Variants in MTRR observed in about 807,000 individuals in gnomAD.
MTRR encodes the protein methionine synthase reductase.
MTRR carries 63 observed loss-of-function variants against 79.2 expected under a neutral mutation model. The observed-to-expected ratio is 0.80, with a 90% CI of 0.65 to 0.98. The LOEUF is 0.98. Among genes scored for constraint, MTRR ranks in the 50% least tolerant of loss-of-function variants. The pLI is 0.00. For missense variants in MTRR, 895 were observed against 839.6 expected (o/e 1.07, Z -0.82); for synonymous variants, 355 against 313.3 (o/e 1.13, Z -1.41).
At chr5:7,872,178 T>G in intron 2 of MTRR, 1 of 440,934 alleles carries the variant, frequency 2.3e-6, no homozygotes, top group South Asian at 1.6e-5. Context: ...CATAGAGTCT[T>G]GGAAGCATTA....
rs755255468 is a variant in MTRR, at chr5:7,896,903, A to G, written c.1716A>G (p.Gly572=). The change falls in exon 13 of 15, where the codon GGA becomes GGG. Residue 572 remains glycine (G), a synonymous_variant. Coordinates refer to ENST00000440940, the MANE Select transcript of MTRR (RefSeq NM_002454.3). ...LQEQHPDGNF[G]AMWLFFGCRH... Reference sequence around the variant, plus strand: ...AACAACACCCAGATGGAAATTTTGGAGCAATGTGGTTGTTTTTTGGCTGCA... The same window carrying G: ...AACAACACCCAGATGGAAATTTTGGGGCAATGTGGTTGTTTTTTGGCTGCA... 6.2e-7 allele frequency: 1 copy of G among 1,613,974 alleles called. No homozygotes were observed.
rs1387591492 is a variant in MTRR, at chr5:7,892,779, T to A, written c.1423T>A (p.Phe475Ile). Residue 475 changes from phenylalanine (F) to isoleucine (I), a missense_variant, in exon 11 of 15, where the codon TTT becomes ATT. Phe to Ile is a conservative substitution (Grantham distance 21). Transcript: ENST00000440940. ...KLHFVFNIVE[F>I]LSTATTEVLR... ...CCATTTTGTCTTCAACATTGTGGAA[T>A]TTCTGTCTACTGCCACAACAGAGGT... 6.2e-7 allele frequency: 1 copy of A among 1,614,254 alleles called. No individual in the cohort carries two copies. Among genetic ancestry groups the A allele is most frequent in the Admixed American group, 1.7e-5 (1 of 60,030 alleles).
At chr5:7,855,385 A>G (rs1746210556) in intron 1 of MTRR, among the ~76,000 whole-genome samples, 1 of 151,214 alleles carries the variant, frequency 6.6e-6, no homozygotes, top group African/African-American at 2.4e-5. Context: ...ATAAAATAAT[A>G]TGATAGCTTG....
chr5:7,890,217 C>A (rs2126778498), intron 9 of MTRR: 1 of 977,284 alleles, frequency 1.0e-6, no homozygotes, highest in South Asian at 4.7e-5. Context: ...TTAAAGGCAC[C>A]CTTCTTTGCA....
chr5:7,885,172 C>T (rs1243854992), intron 6 of MTRR: 1 of 160,262 alleles, frequency 6.2e-6, no homozygotes, highest in African/African-American at 2.4e-5. Flanking sequence ...CATGTTTGCT[C>T]ACAACCAGTA....
At chr5:7,878,497 C>T (rs891270899) in intron 5 of MTRR, among the ~76,000 whole-genome samples, 175 bp downstream of exon 5, 1 of 152,240 alleles carries the variant, frequency 6.6e-6, no homozygotes, top group East Asian at 1.9e-4. Context: ...CATGCCTATT[C>T]ATTTAGGTAG....
intron 2 of MTRR, among the ~76,000 whole-genome samples, chr5:7,863,810 GAAAA>G (rs1221007623): frequency 6.6e-6 from 1 of 152,116 alleles, no homozygotes; most frequent in African/African-American, 2.4e-5. Flanking sequence ...TTGCGTGCTT[GAAAA>G]TGGCTGAGAG....
upstream of MTRR, chr5:7,866,538 C>T: frequency 1.2e-6 from 1 of 810,306 alleles, no homozygotes; most frequent in South Asian, 1.7e-5. Context: ...CTTCGGATCA[C>T]TATGGAAGAA....
At chr5:7,897,517 A>C (rs559498621) in intron 14 of MTRR, among the ~76,000 whole-genome samples, 3 of 152,218 alleles carry the variant, frequency 2.0e-5, no homozygotes, top group Non-Finnish European at 2.9e-5. Flanking sequence ...TCTGAAAATT[A>C]CACTCATGTT....
At chr5:7,883,423 T>G (rs1735897350) in intron 6 of MTRR, 146 bp downstream of exon 6, 2 of 973,956 alleles carry the variant, frequency 2.1e-6, no homozygotes, top group South Asian at 2.8e-5. Context: ...TGTGCTGAGT[T>G]GTGTGGTGCT....
chr5:7,867,269 T>C, upstream of MTRR: 1 of 1,613,856 alleles, frequency 6.2e-7, no homozygotes, highest in Non-Finnish European at 8.5e-7. Flanking sequence ...TGTTTGGTGT[T>C]CATCCACTTT....
intron 6 of MTRR, among the ~76,000 whole-genome samples, chr5:7,885,499 A>G (rs988054613): frequency 2.3e-4 from 35 of 152,248 alleles, no homozygotes; most frequent in Middle Eastern, 3.4e-3. Context: ...TTTTAATAGT[A>G]ACTGCTAATA....
At chr5:7,879,418 G>T (rs180684098) in intron 5 of MTRR, among the ~76,000 whole-genome samples, 1,492 of 137,780 alleles carry the variant, frequency 0.011, 15 homozygotes, top group Middle Eastern at 0.023. Flanking sequence ...AGCCAAGATT[G>T]CGCCACTGCA....
At chr5:7,859,488 A>G (rs1364025492) in intron 1 of MTRR, 2 of 1,607,252 alleles carry the variant, frequency 1.2e-6, no homozygotes, top group Non-Finnish European at 1.7e-6. Flanking sequence ...CTTTGTAAAT[A>G]TTCCACCAAT....
At chr5:7,868,060 C>T, upstream of MTRR, 2 of 1,611,038 alleles carry the variant, frequency 1.2e-6, no homozygotes, top group Non-Finnish European at 1.7e-6. Context: ...GATAAAGGTT[C>T]TTCCTCAAGG....
intron 2 of MTRR, among the ~76,000 whole-genome samples, chr5:7,863,749 T>C (rs1175706440): frequency 2.0e-5 from 3 of 152,200 alleles, no homozygotes; most frequent in Admixed American, 6.5e-5. Context: ...CCATGACAGA[T>C]GCTAATAAAT....
upstream of MTRR, chr5:7,869,083 T>C (rs1486929078): frequency 6.3e-7 from 1 of 1,598,622 alleles, no homozygotes; most frequent in Admixed American, 1.7e-5. Context: ...CGGCGCAATG[T>C]GATTGGCCCA....
At chr5:7,894,649 T>G (rs1436887556) in intron 11 of MTRR, among the ~76,000 whole-genome samples, 2 of 152,250 alleles carry the variant, frequency 1.3e-5, no homozygotes, top group African/African-American at 4.8e-5. Flanking sequence ...TTCTTTGACA[T>G]TGGTGTTTGA....
chr5:7,870,837 G>A lies in MTRR; in HGVS notation c.43G>A (p.Ala15Thr), dbSNP rs777323334. ...LLLYATQQGQ[A>T]KAIAEEICEQ... ...ACTATATGCTACACAGCAGGGACAG[G>A]CAAAGGCCATCGCAGAAGAAATATG... Residue 15 changes from alanine to threonine, a missense_variant, in exon 2 of 15, where the codon GCA (alanine) becomes ACA (threonine). Transcript: ENST00000440940. 1.2e-6 allele frequency: 2 copies of A among 1,614,106 alleles called. No individual in the cohort carries two copies. Among genetic ancestry groups the A allele is most frequent in the African/African-American group, 2.7e-5 (2 of 74,940 alleles).
Sources: gnomAD v4.1 joint callset for allele counts (sites outside exome capture counted in the v4.1 genomes callset) on GRCh38, gnomAD v4.1.1 for gene constraint, MANE v1.5 for transcripts, NCBI Gene and HGNC (gene_info 2026-07-23, HGNC 2026-07-21) for gene names.